Variants in SLC15A2 observed in about 807,000 individuals in gnomAD.
SLC15A2 encodes the protein kidney H(+)/peptide cotransporter.
A neutral mutation model predicts 95.5 loss-of-function variants in SLC15A2; 77 were observed. The ratio of observed to expected loss-of-function variants is 0.81; its 90% CI spans 0.67 to 0.97. SLC15A2 has a LOEUF of 0.97. SLC15A2 is among the 50% of genes least tolerant of loss of function. The pLI, the probability that SLC15A2 is intolerant of heterozygous loss-of-function variation, is 0.00. For missense variants in SLC15A2, 893 were observed against 874.4 expected (o/e 1.02, Z -0.27); for synonymous variants, 306 against 306.9 (o/e 1.00, Z 0.03).
At chr3:121,901,797 G>C (rs895250939) in intron 3 of SLC15A2, among the ~76,000 whole-genome samples, 4 of 151,456 alleles carry the variant, frequency 2.6e-5, no homozygotes, top group Non-Finnish European at 1.5e-5. Flanking sequence ...GTTTCAAACC[G>C]TTAAGTTCTT....
At chr3:121,931,618 C>G (rs549988322) in intron 18 of SLC15A2, 21 bp from the exon 19 acceptor site, 1 of 1,521,666 alleles carries the variant, frequency 6.6e-7, no homozygotes, top group African/African-American at 1.4e-5. Flanking sequence ...TTTATTCTAA[C>G]CTAAATTCAT....
At chr3:121,902,551 G>A (rs1037593822) in intron 3 of SLC15A2, among the ~76,000 whole-genome samples, 15 of 151,980 alleles carry the variant, frequency 9.9e-5, no homozygotes, top group East Asian at 1.9e-4. Context: ...GACGTTCCCC[G>A]CCTGGTGTCC....
chr3:121,942,246 T>C lies in SLC15A2; in HGVS notation c.*1239T>C, dbSNP rs1386389825. On this transcript the variant is annotated 3_prime_UTR_variant, in exon 22 of 22. Transcript: ENST00000489711. ...GGGTTTTGTTTGTGTATGTGTATGG[T>C]CATGAAAAAAAATTGAGAAACATTA... 1 of 152,042 alleles carries C rather than the reference T, an allele frequency of 6.6e-6. No homozygotes were observed. The highest frequency in any genetic ancestry group is 1.5e-5 in the Non-Finnish European group (1 of 68,004). 9.4% of individuals were successfully genotyped at this position (152,042 alleles called of 1,614,324 possible).
At chr3:121,902,295 T>G (rs1265092189) in intron 3 of SLC15A2, among the ~76,000 whole-genome samples, 1 of 152,204 alleles carries the variant, frequency 6.6e-6, no homozygotes, top group African/African-American at 2.4e-5. Flanking sequence ...ATTTTTGACC[T>G]GGGCAATCAC....
In SLC15A2 at chr3:121,940,954, C is replaced by T. The variant is rs1167100093; in HGVS notation, c.2137C>T (p.Pro713Ser). ...DMRGPADKHI[P>S]HIQGNMIKLE... is the part of the protein sequence containing the mutation. ...GCGGGGTCCAGCAGATAAGCACATT[C>T]CTCACATCCAGGGGAACATGATCAA... The change falls in exon 22 of 22, where the codon CCT becomes TCT. Residue 713 changes from proline to serine, a missense_variant. Transcript: ENST00000489711. 6.2e-7 allele frequency: 1 copy of T among 1,614,148 alleles called. No individual in the cohort carries two copies. Among genetic ancestry groups the T allele is most frequent in the South Asian group, 1.1e-5 (1 of 91,072 alleles).
At chr3:121,924,079 C>T (rs571913886) in intron 11 of SLC15A2, among the ~76,000 whole-genome samples, 15 of 152,276 alleles carry the variant, frequency 9.9e-5, no homozygotes, top group Admixed American at 3.3e-4. Context: ...TGCACTGACT[C>T]TATTCTCTTT....
chr3:121,924,314 C>A, intron 11 of SLC15A2, 37 bp from the exon 12 acceptor site: 1 of 1,586,338 alleles, frequency 6.3e-7, no homozygotes, highest in Non-Finnish European at 8.6e-7. Flanking sequence ...TTCTTTTCTT[C>A]AGACATCAAC....
chr3:121,932,183 C>T (rs902804968), intron 19 of SLC15A2, among the ~76,000 whole-genome samples: 4 of 152,260 alleles, frequency 2.6e-5, no homozygotes, highest in African/African-American at 7.2e-5. Flanking sequence ...AGATTACAAG[C>T]GTGAGTCACC....
chr3:121,936,652 G>A (rs1279884076), intron 19 of SLC15A2, among the ~76,000 whole-genome samples: 4 of 150,858 alleles, frequency 2.7e-5, no homozygotes, highest in Non-Finnish European at 4.4e-5. Flanking sequence ...TTGAGCCTAT[G>A]TGTGTCTCTG....
chr3:121,940,481 T>C lies in SLC15A2; in HGVS notation c.2006T>C (p.Leu669Pro). Residue 669 changes from leucine to proline, a missense_variant, in exon 21 of 22, where the codon CTG becomes CCG. Transcript: ENST00000489711. ...IVLVVAQFSG[L>P]VQWAEFILFS... is the part of the protein sequence containing the mutation. ...CTTGTTGTGGCACAGTTCAGTGGCC[T>C]GGTACAGGTATGGATCTGAGGGAAG... is the stretch of plus-strand genomic sequence containing the variant. 1 of 1,612,780 alleles carries C rather than the reference T, an allele frequency of 6.2e-7. No individual in the cohort carries two copies. The highest frequency in any genetic ancestry group is 8.5e-7 in the Non-Finnish European group (1 of 1,178,790).
At chr3:121,913,748 G>A (rs984962666) in intron 5 of SLC15A2, among the ~76,000 whole-genome samples, 3 of 152,142 alleles carry the variant, frequency 2.0e-5, no homozygotes, top group East Asian at 1.9e-4. Context: ...AAATAAATGG[G>A]CATTTATGAG....
intron 3 of SLC15A2, among the ~76,000 whole-genome samples, chr3:121,900,252 A>G (rs142294772): frequency 3.3e-4 from 50 of 152,288 alleles, no homozygotes; most frequent in African/African-American, 9.1e-4. Context: ...TCAATCAGTT[A>G]TCAAATTCTA....
chr3:121,919,193 T>A (rs776880547), intron 7 of SLC15A2, among the ~76,000 whole-genome samples: 5 of 152,212 alleles, frequency 3.3e-5, no homozygotes, highest in Non-Finnish European at 7.3e-5. Flanking sequence ...TACAACTCTC[T>A]CCTGTAGTCT....
rs1161271574 is a variant in SLC15A2, at chr3:121,932,940, T to A, written c.1761+1205T>A. On this transcript the variant is annotated intron_variant, in intron 19 of 21. Coordinates refer to ENST00000489711, the MANE Select transcript of SLC15A2 (RefSeq NM_021082.4). ...GCGCACCCCACAACAGTCCCCAGAG[T>A]GTGATGTTCCCCTTCCTGTGTCCAT... 2.6e-5 allele frequency among the ~76,000 whole-genome samples: 4 copies of A among 151,456 alleles called. No individual in the cohort carries two copies. The East Asian group carries it at 7.7e-4, about 29-fold the overall frequency.
In SLC15A2 at chr3:121,894,577, C is replaced by T. The variant is rs144204406; in HGVS notation, c.101C>T (p.Ser34Phe). ...PRPPSPPKKP[S>F]PTICGSNYPL... ...CCACCTAGCCCTCCAAAGAAGCCAT[C>T]TCCGGTGAGTCCTTAGATTCAATCC... The change falls in exon 1 of 22, where the codon TCT becomes TTT. Residue 34 changes from serine (S) to phenylalanine (F), a missense_variant. Ser to Phe is a radical substitution (Grantham distance 155, BLOSUM62 -2). Transcript: ENST00000489711. 3 of 1,612,170 alleles carry T rather than the reference C, an allele frequency of 1.9e-6. No individual in the cohort carries two copies. The African/African-American group carries it at 4.0e-5, about 22-fold the overall frequency.
At chr3:121,933,722 C>G (rs1274143043) in intron 19 of SLC15A2, among the ~76,000 whole-genome samples, 1 of 152,062 alleles carries the variant, frequency 6.6e-6, no homozygotes, top group Non-Finnish European at 1.5e-5. Context: ...TGCCTATTCA[C>G]TCTGATGGTA....
At chr3:121,917,780 C>T (rs1482782553) in intron 7 of SLC15A2, among the ~76,000 whole-genome samples, 4 of 151,842 alleles carry the variant, frequency 2.6e-5, no homozygotes, top group Non-Finnish European at 5.9e-5. Flanking sequence ...TAAGGTGAGA[C>T]CTAAGGGCCA....
chr3:121,932,249 G>A (rs1272667967), intron 19 of SLC15A2, among the ~76,000 whole-genome samples: 5 of 152,162 alleles, frequency 3.3e-5, no homozygotes, highest in African/African-American at 1.2e-4. Context: ...GGGTTGTTAA[G>A]AGATAACATC....
At chr3:121,902,170 C>A (rs1709533208) in intron 3 of SLC15A2, among the ~76,000 whole-genome samples, 1 of 152,020 alleles carries the variant, frequency 6.6e-6, no homozygotes, top group South Asian at 2.1e-4. Context: ...ATTAAACATG[C>A]ATATTGGTTT....
Sources: allele counts gnomAD v4.1 joint callset (sites outside exome capture counted in the v4.1 genomes callset), GRCh38; gene constraint gnomAD v4.1.1; transcripts MANE v1.5; gene names NCBI Gene and HGNC (gene_info 2026-07-23, HGNC 2026-07-21).